Variants in ADAMTSL1 observed in about 807,000 individuals in gnomAD.
ADAMTSL1 encodes the protein ADAMTS-like protein 1.
A neutral mutation model predicts 201.8 loss-of-function variants in ADAMTSL1; 126 were observed. The observed-to-expected ratio is 0.62, with a 90% confidence interval of 0.54 to 0.72. The LOEUF (loss-of-function observed/expected upper bound fraction) is 0.72. ADAMTSL1 is among the 30% of genes least tolerant of loss of function. The probability of loss-of-function intolerance (pLI) is 0.00; values close to 1 mark genes in which losing one functional copy is unlikely to be tolerated. For missense variants in ADAMTSL1, 2,679 were observed against 2,277.8 expected, an observed-to-expected ratio of 1.18 and a Z score of -3.59; for synonymous variants, 1,121 against 903.4, an observed-to-expected ratio of 1.24 and a Z score of -4.32.
At chr9:18,032,906 T>A (rs1182547613) in intron 1 of ADAMTSL1, among the ~76,000 whole-genome samples, 1 of 152,076 alleles carries the variant, frequency 6.6e-6, no homozygotes, top group African/African-American at 2.4e-5. Context: ...GCTTCCCACT[T>A]CCTCCTTCTT....
At chr9:18,373,034 A>C (rs992520474) in intron 2 of ADAMTSL1, among the ~76,000 whole-genome samples, 1 of 152,192 alleles carries the variant, frequency 6.6e-6, no homozygotes, top group African/African-American at 2.4e-5. Context: ...GGCTAGCCGC[A>C]TGATCCTTAG....
At chr9:18,409,539 G>A (rs372873474) in intron 2 of ADAMTSL1, among the ~76,000 whole-genome samples, 1 of 151,442 alleles carries the variant, frequency 6.6e-6, no homozygotes, top group Non-Finnish European at 1.5e-5. Context: ...AAATTAAGCT[G>A]TAGATTAATG....
intron 1 of ADAMTSL1, among the ~76,000 whole-genome samples, chr9:18,029,839 A>T (rs1450050244): frequency 2.0e-5 from 3 of 152,232 alleles, no homozygotes; most frequent in Non-Finnish European, 4.4e-5. Flanking sequence ...AATCAAAACC[A>T]CAATGAGATA....
At chr9:18,757,510 C>CA (rs1454131563) in intron 16 of ADAMTSL1, among the ~76,000 whole-genome samples, 1 of 152,164 alleles carries the variant, frequency 6.6e-6, no homozygotes, top group African/African-American at 2.4e-5. Flanking sequence ...ATGTCTTGTT[C>CA]AGGCCTTCAT....
intron 2 of ADAMTSL1, among the ~76,000 whole-genome samples, chr9:18,264,698 TC>T (rs1293161385): frequency 6.6e-6 from 1 of 152,214 alleles, no homozygotes; most frequent in South Asian, 2.1e-4. Context: ...TACAGGTTAT[TC>T]CTGGTGATTA....
intron 1 of ADAMTSL1, among the ~76,000 whole-genome samples, chr9:17,991,993 C>G (rs190798434): frequency 1.7e-4 from 26 of 152,248 alleles, no homozygotes; most frequent in African/African-American, 6.3e-4. Context: ...GGTGCTACCT[C>G]TTTCATACCT....
At chr9:18,588,910 T>TAC (rs1823728537) in intron 4 of ADAMTSL1, among the ~76,000 whole-genome samples, 1 of 94,842 alleles carries the variant, frequency 1.1e-5, no homozygotes, top group African/African-American at 4.6e-5. Context: ...TATACATATA[T>TAC]ATACACATTT....
intron 1 of ADAMTSL1, among the ~76,000 whole-genome samples, chr9:18,031,048 C>A (rs887899776): frequency 6.6e-6 from 1 of 152,052 alleles, no homozygotes; most frequent in African/African-American, 2.4e-5. Flanking sequence ...GCTACGTCAT[C>A]TTTTAAACTC....
At chr9:17,983,072 C>CTTTTT (rs199805015) in intron 1 of ADAMTSL1, among the ~76,000 whole-genome samples, 2 of 100,316 alleles carry the variant, frequency 2.0e-5, no homozygotes, top group South Asian at 3.2e-4. Flanking sequence ...TTCTTTCTTT[C>CTTTTT]TTTCTTTTTT....
chr9:18,602,803 A>T (rs1025592698), intron 4 of ADAMTSL1, among the ~76,000 whole-genome samples: 1 of 152,210 alleles, frequency 6.6e-6, no homozygotes, highest in African/African-American at 2.4e-5. Context: ...TCTTCCCTGT[A>T]GAAAGGTATC....
In ADAMTSL1 at chr9:18,196,871, A is replaced by G. The variant is rs117730682; in HGVS notation, c.207+32890A>G. Among the ~76,000 whole-genome samples the G allele has an allele frequency of 2.3e-3, 355 of 152,100 alleles. 1 individual carries two copies. The highest frequency in any genetic ancestry group is 3.2e-3 in the Non-Finnish European group (216 of 67,972). On this transcript the variant is annotated intron_variant, in intron 2 of 29. Coordinates refer to the ADAMTSL1 transcript ENST00000680146. ...TGCCCTCAACCTGACCAGCTTCTTC[A>G]TGCCCTCAGGCTTCAGCACAAGTGT...
intron 1 of ADAMTSL1, among the ~76,000 whole-genome samples, chr9:18,126,030 C>T (rs753350969): frequency 1.3e-5 from 2 of 152,162 alleles, no homozygotes; most frequent in Non-Finnish European, 2.9e-5. Context: ...ACGTACCTGC[C>T]ACCAAAACCT....
At chr9:17,997,606 C>T (rs1436649452) in intron 1 of ADAMTSL1, among the ~76,000 whole-genome samples, 2 of 152,024 alleles carry the variant, frequency 1.3e-5, no homozygotes, top group Non-Finnish European at 2.9e-5. Flanking sequence ...GCCCTCCACA[C>T]AGCGATGCCT....
At chr9:17,949,781 C>T (rs1827656678) in intron 1 of ADAMTSL1, among the ~76,000 whole-genome samples, 3 of 152,148 alleles carry the variant, frequency 2.0e-5, no homozygotes, top group Admixed American at 2.0e-4. Flanking sequence ...GCTTCCATCT[C>T]TTTGTAAAGA....
chr9:18,597,903 G>C (rs1397835853), intron 4 of ADAMTSL1, among the ~76,000 whole-genome samples: 3 of 152,154 alleles, frequency 2.0e-5, no homozygotes, highest in African/African-American at 7.2e-5. Context: ...TCCAGAGTCA[G>C]GAAAATCCAC....
intron 7 of ADAMTSL1, among the ~76,000 whole-genome samples, chr9:18,648,234 T>G (rs1435716833): frequency 7.1e-6 from 1 of 141,286 alleles, no homozygotes; most frequent in African/African-American, 2.5e-5. Context: ...GTTTTCCATT[T>G]GCTTGGTAGA....
At chr9:18,496,562 G>C (rs1216536664) in intron 1 of ADAMTSL1, among the ~76,000 whole-genome samples, 1 of 152,184 alleles carries the variant, frequency 6.6e-6, no homozygotes, top group Non-Finnish European at 1.5e-5. Context: ...AAGCTGACTT[G>C]TTTGAGAGTG....
chr9:18,467,800 G>C (rs1431368561), intron 2 of ADAMTSL1, among the ~76,000 whole-genome samples: 1 of 152,140 alleles, frequency 6.6e-6, no homozygotes, highest in Non-Finnish European at 1.5e-5. Flanking sequence ...CTATTATCCT[G>C]GGACTGGAAG....
At chr9:18,660,630 T>C (rs1350552016) in intron 8 of ADAMTSL1, among the ~76,000 whole-genome samples, 1 of 152,224 alleles carries the variant, frequency 6.6e-6, no homozygotes, top group Non-Finnish European at 1.5e-5. Context: ...TAGCCTGTTA[T>C]AAAATTAGAT....
Sources: gnomAD v4.1 joint callset for allele counts (sites outside exome capture counted in the v4.1 genomes callset) on GRCh38, gnomAD v4.1.1 for gene constraint, MANE v1.5 for transcripts, NCBI Gene and HGNC (gene_info 2026-07-23, HGNC 2026-07-21) for gene names.